The following ATP8A2 variants were observed in gnomAD, a reference collection of about 807,000 sequenced individuals.
ATP8A2 encodes the protein ATPase phospholipid transporting 8A2.
In ATP8A2, 100 loss-of-function variants were observed where a neutral mutation model predicts 165.6. That is an observed-to-expected ratio of 0.60 (90% CI 0.51 to 0.71). The LOEUF is 0.71. Ranked by LOEUF, ATP8A2 falls within the 30% of genes least tolerant of loss-of-function variation. The probability of loss-of-function intolerance (pLI) is 0.00; values close to 1 mark genes in which losing one functional copy is unlikely to be tolerated. For synonymous variants in ATP8A2, 543 were observed against 548.8 expected (o/e 0.99, Z 0.15); for missense variants, 1,227 against 1,479.5 (o/e 0.83, Z 2.80).
chr13:25,541,539 G>A (rs117646391), intron 8 of ATP8A2, among the ~76,000 whole-genome samples: 325 of 152,196 alleles, frequency 2.1e-3, no homozygotes, highest in South Asian at 0.012. Flanking sequence ...AAAAAGTGAA[G>A]AGTGCTAGAT....
chr13:25,642,648 C>A (rs1351777801), intron 24 of ATP8A2, among the ~76,000 whole-genome samples: 1 of 152,162 alleles, frequency 6.6e-6, no homozygotes, highest in Admixed American at 6.5e-5. Flanking sequence ...GTTGTTGTTA[C>A]TGTAAACTAG....
At chr13:25,597,378 T>G (rs560955284) in intron 24 of ATP8A2, among the ~76,000 whole-genome samples, 1 of 152,358 alleles carries the variant, frequency 6.6e-6, no homozygotes, top group Admixed American at 6.5e-5. Context: ...GGTAATGGAA[T>G]GTCACTCCCT....
chr13:25,606,259 C>G (rs183802950), intron 24 of ATP8A2, among the ~76,000 whole-genome samples: 14 of 152,278 alleles, frequency 9.2e-5, no homozygotes, highest in African/African-American at 3.1e-4. Context: ...CCTGCCTTTC[C>G]TATTTGATGT....
At chr13:25,591,488 C>G in intron 24 of ATP8A2, 1 of 392,308 alleles carries the variant, frequency 2.5e-6, no homozygotes, top group Non-Finnish European at 5.1e-6. Flanking sequence ...GTCAGAATTT[C>G]GCTCCTTTTT....
intron 2 of ATP8A2, among the ~76,000 whole-genome samples, chr13:25,517,416 T>A (rs140284018): frequency 2.6e-4 from 40 of 152,328 alleles, no homozygotes; most frequent in African/African-American, 9.6e-4. Context: ...TCTCAGCTCA[T>A]GTTTCCATGC....
chr13:25,899,588 G>A (rs1295493956), intron 33 of ATP8A2, among the ~76,000 whole-genome samples: 2 of 152,162 alleles, frequency 1.3e-5, no homozygotes, highest in Non-Finnish European at 2.9e-5. Flanking sequence ...GTGAGGAGCA[G>A]AGCCGGTGGT....
intron 24 of ATP8A2, among the ~76,000 whole-genome samples, chr13:25,595,608 TC>T (rs2040216416): frequency 6.6e-6 from 1 of 152,202 alleles, no homozygotes; most frequent in African/African-American, 2.4e-5. Flanking sequence ...GTTGCTCCCC[TC>T]GATTGGGCCC....
intron 30 of ATP8A2, among the ~76,000 whole-genome samples, chr13:25,857,992 C>T (rs1254012656): frequency 6.6e-6 from 1 of 152,238 alleles, no homozygotes; most frequent in Non-Finnish European, 1.5e-5. Flanking sequence ...CTTCTCTTCC[C>T]GGTTTTCATA....
rs529449259 is a variant in ATP8A2, at chr13:25,473,122, G to C, written c.221+4001G>C. Among the ~76,000 whole-genome samples, 22 of 152,208 alleles carry C rather than the reference G, an allele frequency of 1.4e-4. No individual in the cohort carries two copies. The South Asian group carries it at 4.2e-3, about 29-fold the overall frequency. ...TCCATTGTGGCCTCAGCACCCCCAG[G>C]GGTATGCACTACATGAGAACTCTGA... On this transcript the variant is annotated intron_variant, in intron 2 of 36. Transcript: ENST00000381655.
In ATP8A2 at chr13:25,478,831, T is replaced by G. The variant is rs2036071366; in HGVS notation, c.221+9710T>G. ...TATATCAGTGGTCTCCAAAACTTTT[T>G]CATTGGATGTCCCATTTGTAACACT... On this transcript the variant is annotated intron_variant, in intron 2 of 36. Coordinates refer to ENST00000381655, the MANE Select transcript of ATP8A2 (RefSeq NM_016529.6). Among the ~76,000 whole-genome samples, 13 of 148,652 alleles carry G rather than the reference T, an allele frequency of 8.7e-5. No homozygotes were observed. The South Asian group carries it at 2.8e-3, about 32-fold the overall frequency.
intron 30 of ATP8A2, among the ~76,000 whole-genome samples, chr13:25,842,603 T>G (rs563281495): frequency 6.8e-6 from 1 of 146,756 alleles, no homozygotes; most frequent in African/African-American, 2.5e-5. Flanking sequence ...ACCCGGGAGG[T>G]GGAGGTTGCA....
intron 24 of ATP8A2, among the ~76,000 whole-genome samples, chr13:25,671,585 G>C (rs918683672): frequency 6.6e-6 from 1 of 152,150 alleles, no homozygotes; most frequent in Non-Finnish European, 1.5e-5. Flanking sequence ...TCTTATGGTC[G>C]AGACTGCAGA....
chr13:25,687,837 CT>C (rs1294800996), intron 24 of ATP8A2, among the ~76,000 whole-genome samples: 2 of 152,210 alleles, frequency 1.3e-5, no homozygotes, highest in African/African-American at 4.8e-5. Context: ...CATTCTAAGC[CT>C]CCTTAACTGG....
chr13:25,511,070 C>T (rs2037208812), intron 2 of ATP8A2, among the ~76,000 whole-genome samples: 1 of 152,158 alleles, frequency 6.6e-6, no homozygotes. Context: ...GTGGTTTTCT[C>T]TACATTGTGA....
At chr13:25,447,929 C>A (rs987414733) in intron 1 of ATP8A2, among the ~76,000 whole-genome samples, 10 of 152,192 alleles carry the variant, frequency 6.6e-5, no homozygotes, top group Non-Finnish European at 1.5e-4. Flanking sequence ...CAACCGTAGT[C>A]TTTGATGTCC....
At chr13:25,993,884 G>C (rs2139299084) in intron 35 of ATP8A2, among the ~76,000 whole-genome samples, 1 of 152,260 alleles carries the variant, frequency 6.6e-6, no homozygotes, top group East Asian at 1.9e-4. Context: ...AAATGGTTGA[G>C]ATTTTGACAG....
At chr13:25,806,346 T>C (rs1361760891) in intron 27 of ATP8A2, among the ~76,000 whole-genome samples, 1 of 152,084 alleles carries the variant, frequency 6.6e-6, no homozygotes, top group Non-Finnish European at 1.5e-5. Flanking sequence ...TTTTTGGCCC[T>C]CTGGCTTCAA....
intron 33 of ATP8A2, among the ~76,000 whole-genome samples, chr13:25,909,256 A>C (rs1453185077): frequency 2.0e-5 from 3 of 152,188 alleles, no homozygotes; most frequent in Non-Finnish European, 2.9e-5. Context: ...ATATCTCAAA[A>C]TACCTAGAGG....
chr13:25,468,899 G>C, intron 1 of ATP8A2, 78 bp from the exon 2 acceptor site: 1 of 1,571,640 alleles, frequency 6.4e-7, no homozygotes, highest in Non-Finnish European at 8.7e-7. Context: ...CCGCCCGCCC[G>C]CGGCCCGCGC....
Sources: gnomAD v4.1 joint callset for allele counts (sites outside exome capture counted in the v4.1 genomes callset) on GRCh38, gnomAD v4.1.1 for gene constraint, MANE v1.5 for transcripts, NCBI Gene and HGNC (gene_info 2026-07-23, HGNC 2026-07-21) for gene names.